The following CROCC2 variants were observed in gnomAD, a reference collection of about 807,000 sequenced individuals.
CROCC2 encodes the protein ciliary rootlet coiled-coil, rootletin family member 2.
In CROCC2, 163 loss-of-function variants were observed where a neutral mutation model predicts 177.6. The observed-to-expected ratio is 0.92, with a 90% CI of 0.81 to 1.05. The LOEUF (loss-of-function observed/expected upper bound fraction) is 1.05, where lower values mean the gene tolerates loss of function less well. Among genes scored for constraint, CROCC2 ranks in the 50% least tolerant of loss-of-function variants. The pLI, the probability that CROCC2 is intolerant of heterozygous loss-of-function variation, is 0.00. For missense variants in CROCC2, 1,929 were observed against 1,797.8 expected, an observed-to-expected ratio of 1.07 and a Z score of -1.32; for synonymous variants, 904 against 787.3, an observed-to-expected ratio of 1.15 and a Z score of -2.48.
In CROCC2 at chr2:240,982,223, A is replaced by G. The variant is rs4074227; in HGVS notation, c.4402-657A>G. The stretch of plus-strand genomic sequence containing the variant: ...AATGCACCCTCAGCCATCATGGGGT[A>G]GCACCTGGGGACAGTGAGGAAACTG... On this transcript the variant is annotated intron_variant, in intron 27 of 31. Transcript: ENST00000690015. This position sits in a 1 kb window ranked among gnomAD's most constrained non-coding sequence, Gnocchi z 4.7. The G allele has an allele frequency of 0.21, 32,630 of 152,032 alleles. 4,110 individuals are homozygous for G. Among genetic ancestry groups the G allele is most frequent in the East Asian group, 0.38 (1,946 of 5,140 alleles). 9.4% of individuals were successfully genotyped at this position (152,032 alleles called of 1,614,324 possible). A position where few individuals can be genotyped will look rare whatever the true frequency, so the allele number is the denominator to read the frequency against.
rs546949601 is a variant in CROCC2 at position 240,917,157 on chromosome 2, G to A, written c.79-1569G>A. Among the ~76,000 whole-genome samples the A allele has an allele frequency of 1.3e-5, 2 of 152,182 alleles. No homozygotes were observed. The highest frequency in any genetic ancestry group is 4.8e-5 in the African/African-American group (2 of 41,448). ...CTGGTGCACGGGCTGTCGGGAGGACGGGCGGGCTGGCCCCAGACCTCAGCT... is the reference window on the plus strand; with the variant it reads ...CTGGTGCACGGGCTGTCGGGAGGACAGGCGGGCTGGCCCCAGACCTCAGCT... On this transcript the variant is annotated intron_variant, in intron 1 of 31. Coordinates refer to ENST00000690015, the MANE Select transcript of CROCC2 (RefSeq NM_001351305.2). The surrounding 1 kb of genome is among the most constrained non-coding windows in gnomAD (Gnocchi z 4.9).
At position 240,958,474 on chromosome 2, in the gene CROCC2, G is replaced by A. The variant is rs2059607928; in HGVS notation, c.2944-827G>A. On this transcript the variant is annotated intron_variant, in intron 19 of 31. Transcript: ENST00000690015. The surrounding 1 kb of genome is among the most constrained non-coding windows in gnomAD (Gnocchi z 6.7). ...ACCCCCACCCTAGCAGAATCCAGGT[G>A]GACAGGAGGGGCTCCAGAGATCTGG... 4 of 658,304 alleles carry A rather than the reference G, an allele frequency of 6.1e-6. No individual in the cohort carries two copies. The highest frequency in any genetic ancestry group is 2.0e-5 in the African/African-American group (1 of 51,068). 40.8% of individuals were successfully genotyped at this position (658,304 alleles called of 1,614,324 possible).
chr2:240,955,678 T>C (rs1277166061), intron 18 of CROCC2, among the ~76,000 whole-genome samples, 181 bp from the exon 19 acceptor site: 2 of 152,182 alleles, frequency 1.3e-5, no homozygotes. Context: ...GGCCCAGGGC[T>C]GCCTCTGTAG....
In CROCC2 at chr2:240,944,785, CTTA is replaced by C. The variant is rs2059513776; in HGVS notation, c.2170-1271_2170-1269del. On this transcript the variant is annotated intron_variant, in intron 14 of 31. Coordinates refer to ENST00000690015, the MANE Select transcript of CROCC2 (RefSeq NM_001351305.2). ...GGAGGATCTATATCTATTTTCTGTT[CTTA>C]TTAGTGGTTTTTTTGTCATGTGGTC... Among the ~76,000 whole-genome samples the C allele has an allele frequency of 2.0e-5, 3 of 152,066 alleles. No homozygotes were observed. The South Asian group carries it at 6.2e-4, about 32-fold the overall frequency.
At chr2:240,948,711 C>T (rs1177927289) in intron 15 of CROCC2, among the ~76,000 whole-genome samples, 1 of 152,224 alleles carries the variant, frequency 6.6e-6, no homozygotes, top group African/African-American at 2.4e-5. Flanking sequence ...GCAGGCTTTT[C>T]ACATGATGGA....
intron 28 of CROCC2, among the ~76,000 whole-genome samples, chr2:240,984,913 G>A (rs1574798898): frequency 1.1e-4 from 1 of 8,948 alleles, no homozygotes; most frequent in African/African-American, 3.7e-4. Context: ...ACACACCCAG[G>A]CACTCACTCC....
chr2:240,923,139 G>A (rs1574749414), intron 4 of CROCC2, among the ~76,000 whole-genome samples: 1 of 152,062 alleles, frequency 6.6e-6, no homozygotes, highest in Admixed American at 6.5e-5. Context: ...CTTCCACGTG[G>A]CAGCCTCTCC....
At position 240,932,705 on chromosome 2, in the gene CROCC2, G is replaced by A; in HGVS notation, c.1048G>A (p.Ala350Thr). 2.6e-6 allele frequency: 2 copies of A among 759,832 alleles called. No individual in the cohort carries two copies. The highest frequency in any genetic ancestry group is 4.7e-6 in the Non-Finnish European group (2 of 424,068). The allele number at this position is 759,832 out of a possible 1,614,324, so 47.1% of individuals were successfully genotyped here. Reference protein sequence around the residue: ...ALRTDLQNLVAQEDARCLELA... With the variant: ...ALRTDLQNLVTQEDARCLELA... Reference sequence around the variant, plus strand: ...CCTTCCTCTCTGCACCTTGAAGGTGGCCCAGGAGGACGCCCGGTGCCTGGA... The same window carrying A: ...CCTTCCTCTCTGCACCTTGAAGGTGACCCAGGAGGACGCCCGGTGCCTGGA... The change falls in exon 9 of 32, where the codon GCC becomes ACC. Residue 350 changes from alanine to threonine, a missense_variant. Around this residue, in one of 3 missense-constraint regions of CROCC2, gnomAD observed 1,397 missense variants for 1,239.9 expected, o/e 1.13. Coordinates refer to ENST00000690015, the MANE Select transcript of CROCC2 (RefSeq NM_001351305.2).
chr2:240,990,112 G>A (rs1028303446), intron 30 of CROCC2, among the ~76,000 whole-genome samples: 4 of 152,240 alleles, frequency 2.6e-5, no homozygotes, highest in African/African-American at 7.2e-5. Context: ...GGGGTAGTGA[G>A]GACAGCTCCT....
intron 27 of CROCC2, among the ~76,000 whole-genome samples, chr2:240,969,316 A>G (rs146603111): frequency 0.01 from 1,595 of 152,350 alleles, 22 homozygotes; most frequent in African/African-American, 0.037. Context: ...GAGGGCTGTC[A>G]GCACTCAGAC....
chr2:240,944,154 T>G (rs1168185445), intron 14 of CROCC2, among the ~76,000 whole-genome samples: 1 of 152,252 alleles, frequency 6.6e-6, no homozygotes, highest in African/African-American at 2.4e-5. Context: ...CATCATCTTC[T>G]GGCCTTCATT....
At position 240,933,240 on chromosome 2, in the gene CROCC2, G is replaced by A. The variant is rs1285678882; in HGVS notation, c.1361G>A (p.Arg454Gln). 1.0e-5 allele frequency: 16 copies of A among 1,549,270 alleles called. No homozygotes were observed. Among genetic ancestry groups the A allele is most frequent in the East Asian group, 4.9e-5 (2 of 40,914 alleles). ...LWAAQKLQQE[R>Q]AREQAREREA... ...GCCGCACAGAAGCTCCAGCAGGAGC[G>A]GGCTCGGGAGCAGGCACGGGAACGA... Residue 454 changes from arginine (R) to glutamine (Q), a missense_variant, in exon 10 of 32, where the codon CGG becomes CAG. Physicochemically the swap from Arg to Gln is conservative, Grantham distance 43. This residue lies in a region of CROCC2 where 1,397 missense variants were observed against 1,239.9 expected (regional missense o/e 1.13). Transcript: ENST00000690015.
Position 240,986,727 on chromosome 2 carries a change from C to T in CROCC2, c.4552-2012C>T, listed in dbSNP as rs906028273. Among the ~76,000 whole-genome samples the T allele has an allele frequency of 4.6e-5, 7 of 152,314 alleles. No homozygotes were observed. In the Middle Eastern group the frequency reaches 0.01, roughly 222 times the overall value. On this transcript the variant is annotated intron_variant, in intron 28 of 31. Transcript: ENST00000690015. ...GTCCCTCTGCTGTGTGCTGCTGAGG[C>T]CCTGCAGGAACAGGGAAGGTGCCCA... is the stretch of plus-strand genomic sequence containing the variant.
chr2:240,968,368 G>A, intron 27 of CROCC2, 106 bp downstream of exon 27: 1 of 1,336,414 alleles, frequency 7.5e-7, no homozygotes, highest in African/African-American at 1.5e-5. Flanking sequence ...TGGGAGAGAG[G>A]GGTCTGCAAG....
chr2:240,986,060 A>G (rs2059838763), intron 28 of CROCC2: 1 of 424,128 alleles, frequency 2.4e-6, no homozygotes, highest in Admixed American at 2.5e-5. Context: ...CCAGGGCTTC[A>G]GGGCTGGACA....
chr2:240,992,335 C>T (rs2059885222), intron 31 of CROCC2, among the ~76,000 whole-genome samples: 1 of 152,206 alleles, frequency 6.6e-6, no homozygotes, highest in South Asian at 2.1e-4. Context: ...GGTGCAAGGC[C>T]AGAGGCTCCC....
At chr2:240,951,302 T>C (rs2059554898) in intron 18 of CROCC2, among the ~76,000 whole-genome samples, 1 of 128,720 alleles carries the variant, frequency 7.8e-6, no homozygotes, top group South Asian at 2.6e-4. Flanking sequence ...CATCCATTTA[T>C]CCATCCATCC....
Position 240,918,151 on chromosome 2 carries a change from G to A in CROCC2, c.79-575G>A, listed in dbSNP as rs894907096. Among the ~76,000 whole-genome samples the A allele has an allele frequency of 1.3e-5, 2 of 152,224 alleles. No individual in the cohort carries two copies. Among genetic ancestry groups the A allele is most frequent in the Non-Finnish European group, 1.5e-5 (1 of 68,034 alleles). ...GGACCCACCTGGGTCCCGATGGACCGAGCCTGTGGAGGGGCAGTGGGCAGC... is the reference window on the plus strand; with the variant it reads ...GGACCCACCTGGGTCCCGATGGACCAAGCCTGTGGAGGGGCAGTGGGCAGC... On this transcript the variant is annotated intron_variant, in intron 1 of 31. Transcript: ENST00000690015. This position sits in a 1 kb window ranked among gnomAD's most constrained non-coding sequence, Gnocchi z 6.3.
At chr2:240,974,179 TTCTC>T (rs2059742959) in intron 27 of CROCC2, among the ~76,000 whole-genome samples, 2 of 152,228 alleles carry the variant, frequency 1.3e-5, no homozygotes, top group Admixed American at 1.3e-4. Context: ...TTATATCTGT[TTCTC>T]TCCTTCGTGT....
Sources: gnomAD v4.1 joint callset for allele counts (sites outside exome capture counted in the v4.1 genomes callset) on GRCh38, gnomAD v4.1.1 for gene constraint, gnomAD v4.1.1 regional missense constraint, Gnocchi (gnomAD v3.1) non-coding constraint, MANE v1.5 for transcripts, NCBI Gene and HGNC (gene_info 2026-07-23, HGNC 2026-07-21) for gene names.